MOB2: variants seen among roughly 807,000 people sequenced by gnomAD.
MOB2 encodes MOB kinase activator 2.
MOB2 carries 14 observed loss-of-function variants against 27.4 expected under a neutral mutation model. The ratio of observed to expected loss-of-function variants is 0.51; its 90% CI spans 0.34 to 0.80. MOB2 has a LOEUF of 0.80. MOB2 is among the 30% of genes least tolerant of loss of function. The pLI, the probability that MOB2 is intolerant of heterozygous loss-of-function variation, is 0.01. For synonymous variants in MOB2, 167 were observed against 151.8 expected (o/e 1.10, Z -0.74); for missense variants, 304 against 354.6 (o/e 0.86, Z 1.15).
rs780281353 is a variant in MOB2, at chr11:1,469,845, G to A, written c.*327C>T. On this transcript the variant is annotated 3_prime_UTR_variant, in exon 5 of 5. Transcript: ENST00000329957. Reference sequence around the variant, plus strand: ...TCCTCCTTTGAGGCCAGCAGCACCCGAGGGAGGGCAGGGGCTGCACGGAGA... The same window carrying A: ...TCCTCCTTTGAGGCCAGCAGCACCCAAGGGAGGGCAGGGGCTGCACGGAGA... The A allele has an allele frequency of 8.7e-5, 52 of 594,780 alleles. No individual in the cohort carries two copies. The highest frequency in any genetic ancestry group is 2.6e-4 in the Admixed American group (12 of 46,006). 36.8% of individuals were successfully genotyped at this position (594,780 alleles called of 1,614,324 possible).
At position 1,480,726 on chromosome 11, in the gene MOB2, G is replaced by A; in HGVS notation, c.270C>T (p.Asn90=). The change falls in exon 2 of 5, where the codon AAC becomes AAT. Residue 90 remains asparagine, a splice_region_variant and synonymous_variant. Transcript: ENST00000329957. ...GCCCGCCCCCAGGCCCCCGCGCACT[G>A]TTGCTGGCCAGCCACTCGTTAAGGT... ...EIDLNEWLAS[N]TTTFFHHINL... 1.2e-6 allele frequency: 2 copies of A among 1,602,848 alleles called. No individual in the cohort carries two copies. Among genetic ancestry groups the A allele is most frequent in the South Asian group, 1.1e-5 (1 of 89,098 alleles).
In MOB2 at chr11:1,470,466, A is replaced by G. The variant is rs566352021; in HGVS notation, c.513T>C (p.Phe171=). ...TKYGREFPSS[F]ESLVRKICRH... ...TGCAGATCTTCCTCACCAGGGACTC[A>G]AAGGAGCTGGGGAATTCTCTGCCTG... Residue 171 remains phenylalanine, a synonymous_variant, in exon 5 of 5, where the codon TTT becomes TTC. Transcript: ENST00000329957. 6.2e-7 allele frequency: 1 copy of G among 1,612,860 alleles called. No individual in the cohort carries two copies. Among genetic ancestry groups the G allele is most frequent in the South Asian group, 1.1e-5 (1 of 91,086 alleles).
At chr11:1,484,779 G>A (rs1847953265) in intron 1 of MOB2, among the ~76,000 whole-genome samples, 1 of 152,148 alleles carries the variant, frequency 6.6e-6, no homozygotes, top group Admixed American at 6.5e-5. Context: ...CACGGCCTCA[G>A]GCTGAGGGGT....
chr11:1,480,798 G>T lies in MOB2; in HGVS notation c.198C>A (p.Ile66=). The part of the protein sequence containing the change: ...YLEPEHTKAR[I]TDFQFKELVV... ...CCAGCTCCTTGAACTGGAAGTCGGT[G>T]ATCCTGGCCTTGGTGTGCTCAGGCT... is the stretch of plus-strand genomic sequence containing the variant. The change falls in exon 2 of 5, where the codon ATC becomes ATA. Residue 66 remains isoleucine (I), a synonymous_variant. Coordinates refer to ENST00000329957, the MANE Select transcript of MOB2 (RefSeq NM_001172223.3). The T allele has an allele frequency of 6.3e-7, 1 of 1,597,436 alleles. No individual in the cohort carries two copies.
chr11:1,472,430 G>A (rs1242620729), intron 3 of MOB2: 2 of 152,366 alleles, frequency 1.3e-5, no homozygotes, highest in Non-Finnish European at 2.9e-5. Flanking sequence ...CCACAGGTGG[G>A]AATGGGCCAC....
chr11:1,483,454 A>G (rs369646170), intron 1 of MOB2, among the ~76,000 whole-genome samples: 19 of 152,284 alleles, frequency 1.2e-4, no homozygotes, highest in East Asian at 1.2e-3. Flanking sequence ...AAAGTCCCTC[A>G]CACTATTCCA....
chr11:1,480,893 G>A lies in MOB2; in HGVS notation c.111-8C>T, dbSNP rs1847905348. The A allele has an allele frequency of 6.4e-7, 1 of 1,552,426 alleles. No homozygotes were observed. ...GGCTTGGCTTTGGACTTCCTGCCAAGAGAGGAGACGCGGTGTGGTCACTAC... is the reference window on the plus strand; with the variant it reads ...GGCTTGGCTTTGGACTTCCTGCCAAAAGAGGAGACGCGGTGTGGTCACTAC... On this transcript the variant is annotated splice_region_variant and splice_polypyrimidine_tract_variant and intron_variant, in intron 1 of 4. Coordinates refer to ENST00000329957, the MANE Select transcript of MOB2 (RefSeq NM_001172223.3).
At chr11:1,486,372 C>T in intron 1 of MOB2, 75 bp downstream of exon 1, 1 of 1,208,848 alleles carries the variant, frequency 8.3e-7, no homozygotes, top group East Asian at 2.6e-5. Context: ...CCACCCTGAC[C>T]TCCTTCCTGG....
At chr11:1,480,323 G>A in intron 3 of MOB2, 70 bp downstream of exon 3, 1 of 1,410,720 alleles carries the variant, frequency 7.1e-7, no homozygotes, top group African/African-American at 1.4e-5. Flanking sequence ...ACAGGAGCCT[G>A]GGGCAGCGGG....
intron 1 of MOB2, chr11:1,481,551 G>A (rs1416777636): frequency 1.3e-5 from 2 of 152,772 alleles, no homozygotes; most frequent in African/African-American, 4.8e-5. Flanking sequence ...AGTTGCTAAT[G>A]GTTTATTTAA....
rs1251724199 is a variant in MOB2 at position 1,480,375 on chromosome 11, T to C, written c.365+18A>G. ...GAGTCTCCCAAGAGAAAGTGGGCTG[T>C]AGCCAGGCAGCACTCACGTGTTGCA... On this transcript the variant is annotated intron_variant, in intron 3 of 4. Transcript: ENST00000329957. 1 of 1,611,518 alleles carries C rather than the reference T, an allele frequency of 6.2e-7. No homozygotes were observed. The highest frequency in any genetic ancestry group is 1.3e-5 in the African/African-American group (1 of 75,004).
At chr11:1,479,504 G>A (rs1468767522) in intron 3 of MOB2, among the ~76,000 whole-genome samples, 1 of 152,352 alleles carries the variant, frequency 6.6e-6, no homozygotes. Flanking sequence ...AAACCAAGCT[G>A]TGACCCATCA....
intron 3 of MOB2, among the ~76,000 whole-genome samples, chr11:1,478,812 A>G (rs1375579744): frequency 6.6e-6 from 1 of 152,036 alleles, no homozygotes; most frequent in African/African-American, 2.4e-5. Context: ...GGACTGTCCT[A>G]CAGGCCCTAG....
At chr11:1,477,456 T>G (rs756637872) in intron 3 of MOB2, among the ~76,000 whole-genome samples, 1 of 152,156 alleles carries the variant, frequency 6.6e-6, no homozygotes, top group Non-Finnish European at 1.5e-5. Flanking sequence ...ATGCCCCACA[T>G]TCCTATGTTG....
At chr11:1,482,615 C>G (rs1299424788) in intron 1 of MOB2, among the ~76,000 whole-genome samples, 1 of 152,224 alleles carries the variant, frequency 6.6e-6, no homozygotes, top group Admixed American at 6.5e-5. Flanking sequence ...TGGGCCTCCC[C>G]GAGCTGCTCC....
At chr11:1,483,427 T>C (rs1847938017) in intron 1 of MOB2, among the ~76,000 whole-genome samples, 1 of 152,218 alleles carries the variant, frequency 6.6e-6, no homozygotes, top group Non-Finnish European at 1.5e-5. Flanking sequence ...AGATGCTGTG[T>C]GCACAGCCCC....
At position 1,469,995 on chromosome 11, in the gene MOB2, A is replaced by C. The variant is rs1429515546; in HGVS notation, c.*177T>G. The C allele has an allele frequency of 6.7e-7, 1 of 1,500,704 alleles. No homozygotes were observed. The highest frequency in any genetic ancestry group is 9.0e-7 in the Non-Finnish European group (1 of 1,115,504). The allele number at this position is 1,500,704 out of a possible 1,614,324, so 93.0% of individuals were successfully genotyped here. The stretch of plus-strand genomic sequence containing the variant: ...GCACGCATCCATCCGACAGGGGGCC[A>C]CAGGACACGGCCGGGGCCGTCTGCG... On this transcript the variant is annotated 3_prime_UTR_variant, in exon 5 of 5. Transcript: ENST00000329957.
At chr11:1,484,535 C>T (rs7126182) in intron 1 of MOB2, among the ~76,000 whole-genome samples, 9,340 of 152,102 alleles carry the variant, frequency 0.061, 999 homozygotes, top group African/African-American at 0.21. Flanking sequence ...CCCCAGTAGC[C>T]ACCCGGTACA....
intron 3 of MOB2, among the ~76,000 whole-genome samples, chr11:1,476,994 G>T (rs1847859033): frequency 6.6e-6 from 1 of 152,152 alleles, no homozygotes; most frequent in Admixed American, 6.5e-5. Context: ...TTTGTGACAG[G>T]TATGCTCCAT....
Sources: allele counts gnomAD v4.1 joint callset (sites outside exome capture counted in the v4.1 genomes callset), GRCh38; gene constraint gnomAD v4.1.1; transcripts MANE v1.5; gene names NCBI Gene and HGNC (gene_info 2026-07-23, HGNC 2026-07-21).